The following GAS6 variants were observed in gnomAD, a reference collection of about 807,000 sequenced individuals.
The protein encoded by GAS6 is growth arrest specific 6, also known as growth arrest-specific protein 6.
Under a neutral mutation model 75.8 loss-of-function variants are expected in GAS6, and 41 were observed. That is an observed-to-expected ratio of 0.54 (90% CI 0.42 to 0.70). The LOEUF (loss-of-function observed/expected upper bound fraction) is 0.70. Ranked by LOEUF, GAS6 falls within the 30% of genes least tolerant of loss-of-function variation. The pLI, the probability that GAS6 is intolerant of heterozygous loss-of-function variation, is 0.00. For synonymous variants in GAS6, 432 were observed against 412.6 expected (o/e 1.05, Z -0.57); for missense variants, 854 against 940.2 (o/e 0.91, Z 1.20).
chr13:113,832,338 G>A lies in GAS6; in HGVS notation c.1104C>T (p.Thr368=), dbSNP rs113785834. Residue 368 remains threonine, a synonymous_variant, in exon 10 of 15, where the codon ACC becomes ACT. Coordinates refer to ENST00000327773, the MANE Select transcript of GAS6 (RefSeq NM_000820.4). ...CATGGTTGATGACCGGGCCGCTGCT[G>A]GTGACACGGCCGACACCGTTGTAGC... is the stretch of plus-strand genomic sequence containing the variant. ...QLRYNGVGRV[T]SSGPVINHGM... is the part of the protein sequence containing the mutation. 4.2e-4 allele frequency: 680 copies of A among 1,603,856 alleles called. 2 individuals are homozygous for A. The African/African-American group carries it at 8.3e-3, about 20-fold the overall frequency.
intron 2 of GAS6, among the ~76,000 whole-genome samples, chr13:113,858,637 G>GAC (rs1566375878): frequency 9.0e-6 from 1 of 110,722 alleles, no homozygotes; most frequent in African/African-American, 5.7e-5. Context: ...GCATGTCTGT[G>GAC]TGTTTGTGAC....
Position 113,842,745 on chromosome 13 carries a change from G to C in GAS6, c.344-2895C>G, listed in dbSNP as rs577253547. Reference sequence around the variant, plus strand: ...GCCCCCACCATGGAGGGATGTCTGGGGGATGCTGTGCGCTGCCGCTACGAT... The same window carrying C: ...GCCCCCACCATGGAGGGATGTCTGGCGGATGCTGTGCGCTGCCGCTACGAT... On this transcript the variant is annotated intron_variant, in intron 4 of 14. Transcript: ENST00000327773. The C allele has an allele frequency of 1.1e-4, 43 of 397,088 alleles. 5 individuals carry two copies. The highest frequency in any genetic ancestry group is 9.1e-4 in the African/African-American group (43 of 47,320). 24.6% of individuals were successfully genotyped at this position (397,088 alleles called of 1,614,324 possible).
At chr13:113,853,797 C>G (rs75206367) in intron 2 of GAS6, among the ~76,000 whole-genome samples, 14,564 of 152,260 alleles carry the variant, frequency 0.096, 920 homozygotes, top group East Asian at 0.17. Context: ...CATTTGCAGA[C>G]TCTCTGAAGA....
intron 2 of GAS6, among the ~76,000 whole-genome samples, chr13:113,852,954 G>T (rs2051887561): frequency 6.6e-6 from 1 of 152,116 alleles, no homozygotes; most frequent in South Asian, 2.1e-4. Context: ...GAATCAGGCA[G>T]CACCCAGCAC....
intron 7 of GAS6, among the ~76,000 whole-genome samples, chr13:113,835,218 T>C (rs1404540749): frequency 6.6e-6 from 1 of 152,212 alleles, no homozygotes; most frequent in Non-Finnish European, 1.5e-5. Context: ...CCCCGTCCCT[T>C]TGGGGAGAGG....
In GAS6 at chr13:113,839,805, G is replaced by A. The variant is rs1475577914; in HGVS notation, c.389C>T (p.Thr130Ile). The A allele has an allele frequency of 1.2e-6, 2 of 1,614,016 alleles. No homozygotes were observed. The highest frequency in any genetic ancestry group is 1.1e-5 in the South Asian group (1 of 91,074). ...CTPNPCDRKG[T>I]QACQDLMGNF... ...GCCCATGAGGTCCTGGCAGGCTTGG[G>A]TCCCCTTCCTATCGCAGGGGTTGGG... is the stretch of plus-strand genomic sequence containing the variant. The change falls in exon 5 of 15, where the codon ACC (threonine) becomes ATC (isoleucine). Residue 130 changes from threonine (T) to isoleucine (I), a missense_variant. By Grantham distance (89) the Thr-to-Ile change is moderately conservative (BLOSUM62 -1). Transcript: ENST00000327773.
In GAS6 at chr13:113,824,765, C is replaced by T. The variant is rs370004657; in HGVS notation, c.1478-1215G>A. ...GTCCTGCCTGTCCCTAGCTGGTACC[C>T]GCCACATCAGTTCTCAACAACCATT... is the stretch of plus-strand genomic sequence containing the variant. On this transcript the variant is annotated intron_variant, in intron 12 of 14. Coordinates refer to ENST00000327773, the MANE Select transcript of GAS6 (RefSeq NM_000820.4). 5.3e-5 allele frequency among the ~76,000 whole-genome samples: 8 copies of T among 152,206 alleles called. No homozygotes were observed. The South Asian group carries it at 1.2e-3, about 24-fold the overall frequency.
intron 2 of GAS6, among the ~76,000 whole-genome samples, chr13:113,860,807 C>G (rs75693687): frequency 0.047 from 7,186 of 152,172 alleles, 572 homozygotes; most frequent in African/African-American, 0.17. Context: ...TCCCTTCCAG[C>G]AGAACAGGGC....
chr13:113,835,741 C>A (rs1444462175), intron 6 of GAS6, 106 bp from the exon 7 acceptor site: 10 of 1,509,460 alleles, frequency 6.6e-6, no homozygotes, highest in Non-Finnish European at 8.8e-6. Flanking sequence ...AGGTCGCATC[C>A]AGACTCTGTG....
Position 113,826,370 on chromosome 13 carries a change from G to C in GAS6, c.1477+626C>G, listed in dbSNP as rs375902392. ...GACTTTCTGCAAAGGACCCTGTAAG[G>C]CTCCCAGCCTCCCCGGCCTCGCAGG... On this transcript the variant is annotated intron_variant, in intron 12 of 14. Coordinates refer to ENST00000327773, the MANE Select transcript of GAS6 (RefSeq NM_000820.4). 4.1e-5 allele frequency among the ~76,000 whole-genome samples: 6 copies of C among 147,796 alleles called. No individual in the cohort carries two copies. In the South Asian group the frequency reaches 1.3e-3, roughly 31 times the overall value.
At chr13:113,841,944 ACACC>A (rs2051786483) in intron 4 of GAS6, 1 of 135,938 alleles carries the variant, frequency 7.4e-6, no homozygotes, top group African/African-American at 2.8e-5. Flanking sequence ...TTTCTTCCAT[ACACC>A]CCACAGTTTC....
chr13:113,855,333 G>A (rs1008735741), intron 2 of GAS6, among the ~76,000 whole-genome samples: 7 of 152,158 alleles, frequency 4.6e-5, no homozygotes, highest in African/African-American at 1.7e-4. Flanking sequence ...AGCGAACTGG[G>A]ACTGGTCCCT....
intron 6 of GAS6, 31 bp from the exon 7 acceptor site, chr13:113,835,666 G>C (rs757143204): frequency 6.2e-7 from 1 of 1,606,476 alleles, no homozygotes. Context: ...GCCAACCGCA[G>C]CACAGCGGCA....
intron 2 of GAS6, among the ~76,000 whole-genome samples, chr13:113,857,298 T>A (rs1378961690): frequency 6.6e-6 from 1 of 152,148 alleles, no homozygotes; most frequent in Non-Finnish European, 1.5e-5. Context: ...TCTGTCAGAG[T>A]GAAAGGCAAA....
At chr13:113,833,819 C>T (rs113230380) in intron 8 of GAS6, 11,207 of 933,470 alleles carry the variant, frequency 0.012, 615 homozygotes, top group Admixed American at 0.11. Context: ...TGACAGGCAC[C>T]GGTGTGACAG....
Position 113,864,029 on chromosome 13 carries a change from CGCGGCG to C in GAS6, c.-115_-110del, listed in dbSNP as rs565797652. Reference sequence around the variant, plus strand: ...GTCCTGGCGGCCCTGAAGGTCACATCGCGGCGGCGGCGGCGGCGGCGGCTGCGGCAC... The same window carrying C: ...GTCCTGGCGGCCCTGAAGGTCACATCGCGGCGGCGGCGGCGGCTGCGGCAC... On this transcript the variant is annotated 5_prime_UTR_variant, in exon 1 of 15. Coordinates refer to ENST00000327773, the MANE Select transcript of GAS6 (RefSeq NM_000820.4). The C allele has an allele frequency of 8.0e-5, 80 of 1,003,400 alleles. No individual in the cohort carries two copies. Among genetic ancestry groups the C allele is most frequent in the African/African-American group, 4.9e-4 (28 of 56,804 alleles). The allele number at this position is 1,003,400 out of a possible 1,614,324, so 62.2% of individuals were successfully genotyped here.
chr13:113,843,047 G>A (rs549609997), intron 4 of GAS6: 2 of 392,202 alleles, frequency 5.1e-6, no homozygotes, highest in East Asian at 3.6e-5. Flanking sequence ...CACCTGAGGG[G>A]TGGACAGTCA....
intron 12 of GAS6, among the ~76,000 whole-genome samples, chr13:113,825,921 G>C (rs1444017894): frequency 6.6e-6 from 1 of 152,190 alleles, no homozygotes; most frequent in African/African-American, 2.4e-5. Flanking sequence ...GGTGCTTGAG[G>C]GCCGGCAGCC....
chr13:113,821,032 A>G lies in GAS6; in HGVS notation c.1883-14T>C, dbSNP rs1044549596. 1 of 1,611,610 alleles carries G rather than the reference A, an allele frequency of 6.2e-7. No individual in the cohort carries two copies. The highest frequency in any genetic ancestry group is 1.3e-5 in the African/African-American group (1 of 74,900). ...TCACCGGCACATCTGGGCCGCAGGG[A>G]GAGAACAACATATCTTAGCTCACCA... On this transcript the variant is annotated splice_polypyrimidine_tract_variant and intron_variant, in intron 14 of 14. Coordinates refer to ENST00000327773, the MANE Select transcript of GAS6 (RefSeq NM_000820.4).
Sources: gnomAD v4.1 joint callset for allele counts (sites outside exome capture counted in the v4.1 genomes callset) on GRCh38, gnomAD v4.1.1 for gene constraint, MANE v1.5 for transcripts, NCBI Gene and HGNC (gene_info 2026-07-23, HGNC 2026-07-21) for gene names.